The following TMEM186 variants were observed in gnomAD, a reference collection of about 807,000 sequenced individuals.
TMEM186 encodes the protein chromosome 16 open reading frame 51.
TMEM186 carries 2 observed loss-of-function variants against 2.5 expected under a neutral mutation model. The ratio of observed to expected loss-of-function variants is 0.79; its 90% CI spans 0.32 to 2.50. TMEM186 has a LOEUF of 2.50. Ranked by LOEUF, TMEM186 falls within the 30% of genes most tolerant of loss-of-function variation. TMEM186 has a pLI of 0.11. For missense variants in TMEM186, 321 were observed against 276.5 expected (o/e 1.16, Z -1.14); for synonymous variants, 120 against 104.9 (o/e 1.14, Z -0.88).
intron 1 of TMEM186, 117 bp downstream of exon 1, chr16:8,797,495 A>C: frequency 7.5e-7 from 1 of 1,328,268 alleles, no homozygotes; most frequent in South Asian, 1.3e-5. Flanking sequence ...CACACGCCAG[A>C]GCTTCCTCCC....
At position 8,795,794 on chromosome 16, in the gene TMEM186, C is replaced by T; in HGVS notation, c.*158G>A. 1 of 883,930 alleles carries T rather than the reference C, an allele frequency of 1.1e-6. No individual in the cohort carries two copies. Among genetic ancestry groups the T allele is most frequent in the Non-Finnish European group, 1.8e-6 (1 of 564,090 alleles). 54.8% of individuals were successfully genotyped at this position (883,930 alleles called of 1,614,324 possible). A position where few individuals can be genotyped will look rare whatever the true frequency, so the allele number is the denominator to read the frequency against. On this transcript the variant is annotated 3_prime_UTR_variant, in exon 2 of 2. Coordinates refer to ENST00000333050, the MANE Select transcript of TMEM186 (RefSeq NM_015421.4). ...TTTTTCCTAAACCTGTACACCAGCT[C>T]TTGCCTTGTGAATTTATTCACCACA...
In TMEM186 at chr16:8,796,257, C is replaced by A; in HGVS notation, c.337G>T (p.Ala113Ser). The A allele has an allele frequency of 6.2e-7, 1 of 1,614,166 alleles. No individual in the cohort carries two copies. The highest frequency in any genetic ancestry group is 1.6e-4 in the Middle Eastern group (1 of 6,062). ...VCLMSGISGF[A>S]LTMLCWMSYF... is the part of the protein sequence containing the mutation. ...CTCATCCAGCACAGCATGGTCAGGG[C>A]AAAGCCCGATATCCCACTCATGAGG... is the stretch of plus-strand genomic sequence containing the variant. Residue 113 changes from alanine to serine, a missense_variant, in exon 2 of 2, where the codon GCC (alanine) becomes TCC (serine). By Grantham distance (99) the Ala-to-Ser change is moderately conservative (BLOSUM62 1). Coordinates refer to ENST00000333050, the MANE Select transcript of TMEM186 (RefSeq NM_015421.4).
Position 8,796,083 on chromosome 16 carries a change from G to A in TMEM186, c.511C>T (p.Pro171Ser). ...VIPLTETKDR[P>S]QEMFVRIQRY... ...TGGATACGCACAAACATCTCCTGAG[G>A]CCGGTCCTTGGTTTCTGTCAGGGGA... The change falls in exon 2 of 2, where the codon CCT becomes TCT. Residue 171 changes from proline to serine, a missense_variant. Physicochemically the swap from Pro to Ser is moderately conservative, Grantham distance 74 (BLOSUM62 -1). Coordinates refer to ENST00000333050, the MANE Select transcript of TMEM186 (RefSeq NM_015421.4). 6.2e-7 allele frequency: 1 copy of A among 1,614,212 alleles called. No individual in the cohort carries two copies.
intron 1 of TMEM186, among the ~76,000 whole-genome samples, chr16:8,796,809 C>G (rs995048344): frequency 6.6e-6 from 1 of 152,190 alleles, no homozygotes; most frequent in African/African-American, 2.4e-5. Context: ...ACTAGGGAAA[C>G]TAAGCCCAGA....
intron 1 of TMEM186, among the ~76,000 whole-genome samples, chr16:8,796,995 TCCC>T (rs1207185395): frequency 6.6e-6 from 1 of 152,172 alleles, no homozygotes; most frequent in Non-Finnish European, 1.5e-5. Context: ...TGTGAACATT[TCCC>T]CAAGCAGGAA....
In TMEM186 at chr16:8,796,296, G is replaced by A; in HGVS notation, c.298C>T (p.Leu100Phe). ...CCACTCATGAGGCACACGGTGTTGA[G>A]AGTGAGGAGGCCCTGGGAGTACAAG... ...YYLYSQGLLT[L>F]NTVCLMSGIS... The change falls in exon 2 of 2, where the codon CTC becomes TTC. Residue 100 changes from leucine (L) to phenylalanine (F), a missense_variant. By Grantham distance (22) the Leu-to-Phe change is conservative. Coordinates refer to ENST00000333050, the MANE Select transcript of TMEM186 (RefSeq NM_015421.4). 2 of 1,614,214 alleles carry A rather than the reference G, an allele frequency of 1.2e-6. No individual in the cohort carries two copies. Among genetic ancestry groups the A allele is most frequent in the Non-Finnish European group, 1.7e-6 (2 of 1,180,042 alleles).
Position 8,796,019 on chromosome 16 carries a change from C to T in TMEM186, c.575G>A (p.Arg192His), listed in dbSNP as rs1208336315. The change falls in exon 2 of 2, where the codon CGC (arginine) becomes CAC (histidine). Residue 192 changes from arginine to histidine, a missense_variant. Arg to His is a conservative substitution (Grantham distance 29). Transcript: ENST00000333050. ...SGKQTFYVTL[R>H]YGRILDRERF... ...CTCTCTGTCCAGGATGCGTCCATAG[C>T]GCAGGGTGACGTAGAAGGTCTGTTT... 5 of 1,614,074 alleles carry T rather than the reference C, an allele frequency of 3.1e-6. No individual in the cohort carries two copies. Among genetic ancestry groups the T allele is most frequent in the East Asian group, 4.5e-5 (2 of 44,904 alleles).
Position 8,795,661 on chromosome 16 carries a change from T to G in TMEM186, c.*291A>C, listed in dbSNP as rs1209578436. ...TTCTCTTTCACACCAATGGACTCTA[T>G]GGGTGACCTTGGCATAGGTTCTTCT... On this transcript the variant is annotated 3_prime_UTR_variant, in exon 2 of 2. Transcript: ENST00000333050. The G allele has an allele frequency of 2.8e-6, 1 of 357,720 alleles. No homozygotes were observed. 22.2% of individuals were successfully genotyped at this position (357,720 alleles called of 1,614,324 possible).
At chr16:8,797,559 A>G in intron 1 of TMEM186, 53 bp downstream of exon 1, 4 of 1,377,426 alleles carry the variant, frequency 2.9e-6, no homozygotes, top group African/African-American at 1.4e-5. Context: ...CCCAGCCCTG[A>G]CCCCGACCCC....
Position 8,795,745 on chromosome 16 carries a change from T to C in TMEM186, c.*207A>G. On this transcript the variant is annotated 3_prime_UTR_variant, in exon 2 of 2. Coordinates refer to ENST00000333050, the MANE Select transcript of TMEM186 (RefSeq NM_015421.4). ...TATCTGACTGAATGTCACAAACAAG[T>C]GCTGTAAGAACTTGCTTAGAGCCTT... 1.7e-6 allele frequency: 1 copy of C among 588,996 alleles called. No individual in the cohort carries two copies. 36.5% of individuals were successfully genotyped at this position (588,996 alleles called of 1,614,324 possible). A position where few individuals can be genotyped will look rare whatever the true frequency, so the allele number is the denominator to read the frequency against.
At chr16:8,796,758 C>T (rs2060579060) in intron 1 of TMEM186, among the ~76,000 whole-genome samples, 168 bp from the exon 2 acceptor site, 1 of 152,200 alleles carries the variant, frequency 6.6e-6, no homozygotes, top group Non-Finnish European at 1.5e-5. Flanking sequence ...GTGGGCATCA[C>T]AACAGCTATC....
At chr16:8,797,393 G>A (rs1657571331) in intron 1 of TMEM186, among the ~76,000 whole-genome samples, 1 of 152,170 alleles carries the variant, frequency 6.6e-6, no homozygotes, top group Non-Finnish European at 1.5e-5. Flanking sequence ...AGTACCTAAT[G>A]CACTGTGAGA....
At position 8,796,149 on chromosome 16, in the gene TMEM186, C is replaced by T. The variant is rs2060574109; in HGVS notation, c.445G>A (p.Gly149Ser). ...MLRVAHLNFW[G>S]WRQDTYCPMA... ...GGACAGTATGTGTCCTGCCGCCAGCCCCAGAAGTTCAGATGGGCCACCCGC... is the reference window on the plus strand; with the variant it reads ...GGACAGTATGTGTCCTGCCGCCAGCTCCAGAAGTTCAGATGGGCCACCCGC... The change falls in exon 2 of 2, where the codon GGC becomes AGC. Residue 149 changes from glycine (G) to serine (S), a missense_variant. Physicochemically the swap from Gly to Ser is moderately conservative, Grantham distance 56. Transcript: ENST00000333050. 1 of 1,614,208 alleles carries T rather than the reference C, an allele frequency of 6.2e-7. No individual in the cohort carries two copies. The highest frequency in any genetic ancestry group is 1.1e-5 in the South Asian group (1 of 91,088).
rs2060576665 is a variant in TMEM186 at position 8,796,431 on chromosome 16, T to G, written c.163A>C (p.Lys55Gln). ...KEKLPNAETEKFWMFYRFDAI... is the reference protein window; with the variant it reads ...KEKLPNAETEQFWMFYRFDAI... ...TCAAAACGGTAAAACATCCAGAATT[T>G]CTCAGTCTCTGCGTTTGGTAGTTTC... Residue 55 changes from lysine (K) to glutamine (Q), a missense_variant, in exon 2 of 2, where the codon AAA becomes CAA. Coordinates refer to ENST00000333050, the MANE Select transcript of TMEM186 (RefSeq NM_015421.4). 5 of 1,614,038 alleles carry G rather than the reference T, an allele frequency of 3.1e-6. No homozygotes were observed. The highest frequency in any genetic ancestry group is 4.2e-6 in the Non-Finnish European group (5 of 1,180,042).
intron 1 of TMEM186, among the ~76,000 whole-genome samples, chr16:8,796,970 G>GT (rs1793173845): frequency 6.6e-6 from 1 of 152,218 alleles, no homozygotes; most frequent in Admixed American, 6.5e-5. Flanking sequence ...GCTGGACAAT[G>GT]TATCCACAAG....
At position 8,796,351 on chromosome 16, in the gene TMEM186, C is replaced by T. The variant is rs1567326853; in HGVS notation, c.243G>A (p.Leu81=). ...AGCCTGGTGGCAAAGCTACCACTGT[C>T]AGGGCAGTCTGTGCCAACTTCAGTC... is the stretch of plus-strand genomic sequence containing the variant. ...LSRLKLAQTA[L]TVVALPPGYY... The change falls in exon 2 of 2, where the codon CTG becomes CTA. Residue 81 remains leucine (L), a synonymous_variant. Transcript: ENST00000333050. 2 of 1,614,250 alleles carry T rather than the reference C, an allele frequency of 1.2e-6. No homozygotes were observed. Among genetic ancestry groups the T allele is most frequent in the East Asian group, 2.2e-5 (1 of 44,888 alleles).
chr16:8,796,196 A>T lies in TMEM186; in HGVS notation c.398T>A (p.Leu133Gln), dbSNP rs200294335. ...CCGCAGCATGGTGCCAGACTCATTC[A>T]GATACAGGATACCAACCAGTCTCCG... is the stretch of plus-strand genomic sequence containing the variant. ...FLRRLVGILYLNESGTMLRVA... is the reference protein window; with the variant it reads ...FLRRLVGILYQNESGTMLRVA... Residue 133 changes from leucine to glutamine, a missense_variant, in exon 2 of 2, where the codon CTG becomes CAG. Physicochemically the swap from Leu to Gln is moderately radical, Grantham distance 113 (BLOSUM62 -2). Transcript: ENST00000333050. The T allele has an allele frequency of 1.9e-6, 3 of 1,614,210 alleles. No individual in the cohort carries two copies. In the South Asian group the frequency reaches 3.3e-5, roughly 18 times the overall value.
At position 8,796,316 on chromosome 16, in the gene TMEM186, T is replaced by C. The variant is rs142493411; in HGVS notation, c.278A>G (p.Tyr93Cys). 15 of 1,613,874 alleles carry C rather than the reference T, an allele frequency of 9.3e-6. No homozygotes were observed. In the African/African-American group the frequency reaches 1.7e-4, roughly 19 times the overall value. The change falls in exon 2 of 2, where the codon TAC becomes TGC. Residue 93 changes from tyrosine (Y) to cysteine (C), a missense_variant. Transcript: ENST00000333050. ...GTTGAGAGTGAGGAGGCCCTGGGAG[T>C]ACAAGTAATAGCCTGGTGGCAAAGC... ...VVALPPGYYL[Y>C]SQGLLTLNTV...
chr16:8,796,399 G>A lies in TMEM186; in HGVS notation c.195C>T (p.Ile65=). ...GTCGTGACAGGAACCCGAAGGTTCT[G>A]ATGGCATCAAAACGGTAAAACATCC... ...KFWMFYRFDA[I]RTFGFLSRLK... is the part of the protein sequence containing the mutation. The change falls in exon 2 of 2, where the codon ATC becomes ATT. Residue 65 remains isoleucine (I), a synonymous_variant. Transcript: ENST00000333050. The A allele has an allele frequency of 6.2e-7, 1 of 1,614,234 alleles. No individual in the cohort carries two copies. The highest frequency in any genetic ancestry group is 2.2e-5 in the East Asian group (1 of 44,890).
Sources: gnomAD v4.1 joint callset for allele counts (sites outside exome capture counted in the v4.1 genomes callset) on GRCh38, gnomAD v4.1.1 for gene constraint, MANE v1.5 for transcripts, NCBI Gene and HGNC (gene_info 2026-07-23, HGNC 2026-07-21) for gene names.